Variants in GSE1 observed in about 807,000 individuals in gnomAD.
The protein encoded by GSE1 is genetic suppressor element 1.
GSE1 carries 32 observed loss-of-function variants against 112.6 expected under a neutral mutation model. The observed-to-expected ratio is 0.28, with a 90% CI of 0.21 to 0.38. The LOEUF (loss-of-function observed/expected upper bound fraction) is 0.38, where lower values mean the gene tolerates loss of function less well. Ranked by LOEUF, GSE1 falls within the 10% of genes least tolerant of loss-of-function variation. The pLI, the probability that GSE1 is intolerant of heterozygous loss-of-function variation, is 1.00. For synonymous variants in GSE1, 1,115 were observed against 735.6 expected (o/e 1.52, Z -8.35); for missense variants, 2,348 against 1,699.2 (o/e 1.38, Z -6.71).
At chr16:85,319,950 G>A (rs1392260697) in intron 1 of GSE1, among the ~76,000 whole-genome samples, 2 of 152,202 alleles carry the variant, frequency 1.3e-5, no homozygotes, top group African/African-American at 4.8e-5. Flanking sequence ...TGGGTCCCGG[G>A]CTTACAACTG....
At chr16:85,201,647 G>A (rs1269200385) in intron 1 of GSE1, among the ~76,000 whole-genome samples, 4 of 150,036 alleles carry the variant, frequency 2.7e-5, no homozygotes, top group African/African-American at 7.3e-5. Flanking sequence ...GCAAGACTCC[G>A]TCTCAAAAAA....
At chr16:85,512,234 C>G (rs900854807) in intron 2 of GSE1, among the ~76,000 whole-genome samples, 17 of 152,286 alleles carry the variant, frequency 1.1e-4, no homozygotes, top group African/African-American at 4.1e-4. Flanking sequence ...CAACGCCAAG[C>G]CTGGACCCAG....
intron 1 of GSE1, among the ~76,000 whole-genome samples, chr16:85,317,738 C>A (rs1215038498): frequency 6.6e-6 from 1 of 152,222 alleles, no homozygotes; most frequent in African/African-American, 2.4e-5. Context: ...CCTGCGCTGG[C>A]TCATTCGCTT....
At chr16:85,634,897 G>A (rs762326458) in intron 2 of GSE1, among the ~76,000 whole-genome samples, 1 of 152,146 alleles carries the variant, frequency 6.6e-6, no homozygotes, top group Non-Finnish European at 1.5e-5. Context: ...GCTGCTGGGG[G>A]CCTTGGCCAT....
intron 1 of GSE1, among the ~76,000 whole-genome samples, chr16:85,341,691 G>A (rs1324000301): frequency 6.6e-6 from 1 of 151,950 alleles, no homozygotes; most frequent in Admixed American, 6.6e-5. Flanking sequence ...GTAGAGATAG[G>A]ATGTTGCTAT....
At chr16:85,622,580 T>C (rs754592362) in intron 1 of GSE1, among the ~76,000 whole-genome samples, 19 of 152,188 alleles carry the variant, frequency 1.2e-4, no homozygotes, top group Non-Finnish European at 1.3e-4. Context: ...TAACATGCAG[T>C]AGGTGTATTT....
At chr16:85,498,757 G>A (rs1011871694) in intron 2 of GSE1, among the ~76,000 whole-genome samples, 11 of 152,340 alleles carry the variant, frequency 7.2e-5, no homozygotes, top group East Asian at 5.8e-4. Context: ...CACCTTCTTC[G>A]GCTTGGGCAG....
chr16:85,173,993 G>A (rs1276902819), intron 1 of GSE1, among the ~76,000 whole-genome samples: 3 of 152,160 alleles, frequency 2.0e-5, no homozygotes, highest in African/African-American at 7.2e-5. Flanking sequence ...GAAGTCAGAC[G>A]ACACAAAGCC....
chr16:85,493,774 G>C (rs534861239), intron 2 of GSE1, among the ~76,000 whole-genome samples: 2 of 134,786 alleles, frequency 1.5e-5, no homozygotes, highest in East Asian at 4.3e-4. Context: ...TGGGCAACGA[G>C]AGTGAGACTC....
chr16:85,377,979 A>G (rs1194700761), intron 2 of GSE1, among the ~76,000 whole-genome samples: 1 of 152,206 alleles, frequency 6.6e-6, no homozygotes, highest in Non-Finnish European at 1.5e-5. Context: ...TGTCTCCAGG[A>G]AGGGCTCTAT....
intron 2 of GSE1, among the ~76,000 whole-genome samples, chr16:85,437,493 A>C (rs2151772830): frequency 6.6e-6 from 1 of 152,070 alleles, no homozygotes; most frequent in African/African-American, 2.4e-5. Context: ...GGGAGGCGGC[A>C]CCCACACCCA....
chr16:85,543,294 C>G (rs934825979), intron 2 of GSE1, among the ~76,000 whole-genome samples: 1 of 152,088 alleles, frequency 6.6e-6, no homozygotes, highest in African/African-American at 2.4e-5. Flanking sequence ...GAGATGGACC[C>G]AACCGGACAT....
chr16:85,412,896 G>A (rs896400738), intron 2 of GSE1, among the ~76,000 whole-genome samples: 3 of 152,210 alleles, frequency 2.0e-5, no homozygotes, highest in African/African-American at 7.2e-5. Flanking sequence ...CTTTTCAGGG[G>A]GCCGTGATCC....
At chr16:85,577,524 T>G (rs2151370073) in intron 1 of GSE1, among the ~76,000 whole-genome samples, 1 of 152,174 alleles carries the variant, frequency 6.6e-6, no homozygotes, top group East Asian at 1.9e-4. Context: ...CTCTATGCAG[T>G]ACCTGCATGG....
At chr16:85,325,121 A>G (rs1380009113) in intron 1 of GSE1, among the ~76,000 whole-genome samples, 5 of 152,114 alleles carry the variant, frequency 3.3e-5, no homozygotes, top group African/African-American at 1.2e-4. Context: ...GGTGCATGCC[A>G]CCACACCTGG....
At chr16:85,255,652 C>G (rs1489944621) in intron 1 of GSE1, among the ~76,000 whole-genome samples, 1 of 152,124 alleles carries the variant, frequency 6.6e-6, no homozygotes, top group African/African-American at 2.4e-5. Context: ...ATCTGCCTGC[C>G]TTGGCCTCCC....
intron 2 of GSE1, among the ~76,000 whole-genome samples, chr16:85,518,245 C>G (rs576362492): frequency 7.2e-4 from 110 of 152,320 alleles, no homozygotes; most frequent in Non-Finnish European, 7.6e-4. Flanking sequence ...TCAGTTCTCT[C>G]TGGGTGTGAG....
chr16:85,439,478 A>T (rs1213015754), intron 2 of GSE1, among the ~76,000 whole-genome samples: 2 of 152,138 alleles, frequency 1.3e-5, no homozygotes, highest in Non-Finnish European at 2.9e-5. Context: ...GGGCTCACAG[A>T]GGTAGAGGGT....
rs1166428540 is a variant in GSE1, at chr16:85,210,964, C to T, written c.2283+39157C>T. 2.0e-5 allele frequency among the ~76,000 whole-genome samples: 3 copies of T among 152,212 alleles called. No homozygotes were observed. In the East Asian group the frequency reaches 5.8e-4, roughly 29 times the overall value. ...TCGGGTTCCTTCTCTGTAAGATGAT[C>T]TTTGGGCCAGGAAGCTCCCAGACTC... On this transcript the variant is annotated intron_variant, in intron 1 of 2. Coordinates refer to the GSE1 transcript ENST00000637419.
Sources: allele counts gnomAD v4.1 joint callset (sites outside exome capture counted in the v4.1 genomes callset), GRCh38; gene constraint gnomAD v4.1.1; transcripts MANE v1.5; gene names NCBI Gene and HGNC (gene_info 2026-07-23, HGNC 2026-07-21).